SLC35F1: variants seen among roughly 807,000 people sequenced by gnomAD.
SLC35F1 encodes the protein solute carrier family 35 member F1, also known as chromosome 6 open reading frame 169.
Under a neutral mutation model 48.7 loss-of-function variants are expected in SLC35F1, and 14 were observed. That is an observed-to-expected ratio of 0.29 (90% confidence interval 0.19 to 0.45). The LOEUF is 0.45. Ranked by LOEUF, SLC35F1 falls within the 20% of genes least tolerant of loss-of-function variation. SLC35F1 has a pLI of 1.00. For missense variants in SLC35F1, 404 were observed against 500.0 expected, an observed-to-expected ratio of 0.81 and a Z score of 1.83; for synonymous variants, 190 against 202.2, an observed-to-expected ratio of 0.94 and a Z score of 0.51.
At chr6:118,213,683 G>C (rs992633035) in intron 2 of SLC35F1, among the ~76,000 whole-genome samples, 2 of 152,266 alleles carry the variant, frequency 1.3e-5, no homozygotes, top group Non-Finnish European at 2.9e-5. Context: ...ACACAGTGTT[G>C]AGTGAAAAAA....
At chr6:118,004,062 T>A (rs576148898) in intron 1 of SLC35F1, among the ~76,000 whole-genome samples, 1 of 152,200 alleles carries the variant, frequency 6.6e-6, no homozygotes, top group African/African-American at 2.4e-5. Flanking sequence ...CACTAAGATA[T>A]TGTTATTATT....
intron 1 of SLC35F1, among the ~76,000 whole-genome samples, chr6:118,004,519 A>C (rs1301650510): frequency 6.6e-6 from 1 of 152,192 alleles, no homozygotes; most frequent in Non-Finnish European, 1.5e-5. Context: ...AAATTCAGAA[A>C]AACTCAGTTT....
At chr6:118,078,924 C>G (rs1772864348) in intron 1 of SLC35F1, among the ~76,000 whole-genome samples, 1 of 152,180 alleles carries the variant, frequency 6.6e-6, no homozygotes, top group Admixed American at 6.5e-5. Context: ...TTTTGGAATG[C>G]CTTGTGAGAC....
chr6:118,063,666 A>G (rs968676916), intron 1 of SLC35F1, among the ~76,000 whole-genome samples: 1 of 152,148 alleles, frequency 6.6e-6, no homozygotes, highest in Non-Finnish European at 1.5e-5. Flanking sequence ...GTAATCACCA[A>G]GGATTACTGG....
rs1201266883 is a variant in SLC35F1, at chr6:118,314,961, C to T, written c.*709C>T. On this transcript the variant is annotated 3_prime_UTR_variant, in exon 8 of 8. Coordinates refer to ENST00000360388, the MANE Select transcript of SLC35F1 (RefSeq NM_001029858.4). The stretch of plus-strand genomic sequence containing the variant: ...AGGCCATTGCCTTTCTGTTGTGCCA[C>T]GTGATTCTGCTAATCAAGTCCCTGT... 1.3e-5 allele frequency: 2 copies of T among 152,814 alleles called. No homozygotes were observed. Among genetic ancestry groups the T allele is most frequent in the Non-Finnish European group, 2.9e-5 (2 of 68,192 alleles). The allele number at this position is 152,814 out of a possible 1,614,324, so 9.5% of individuals were successfully genotyped here.
chr6:117,923,742 T>TATATGTAC lies in SLC35F1; in HGVS notation c.173+15848_173+15855dup, dbSNP rs1350380693. On this transcript the variant is annotated intron_variant, in intron 1 of 7. Transcript: ENST00000360388. The stretch of plus-strand genomic sequence containing the variant: ...ACATATATACATATGTATATATACA[T>TATATGTAC]ATATGTACATATATACATATGCACA... Among the ~76,000 whole-genome samples the TATATGTAC allele has an allele frequency of 2.1e-4, 13 of 61,866 alleles. 2 individuals are homozygous for TATATGTAC. Among genetic ancestry groups the TATATGTAC allele is most frequent in the East Asian group, 4.2e-4 (1 of 2,368 alleles). The allele number at this position is 61,866 out of a possible 152,430, so 40.6% of individuals were successfully genotyped here. A position where few individuals can be genotyped will look rare whatever the true frequency, so the allele number is the denominator to read the frequency against.
At chr6:118,236,436 C>A (rs1334277183) in intron 3 of SLC35F1, among the ~76,000 whole-genome samples, 2 of 152,130 alleles carry the variant, frequency 1.3e-5, no homozygotes, top group Non-Finnish European at 2.9e-5. Flanking sequence ...AAACATTGTT[C>A]TCATATTAGA....
chr6:117,932,640 G>T (rs1582570861), intron 1 of SLC35F1, among the ~76,000 whole-genome samples: 1 of 152,174 alleles, frequency 6.6e-6, no homozygotes, highest in Admixed American at 6.6e-5. Context: ...TTCTAGAAAT[G>T]TACTCTGTAG....
chr6:118,205,631 A>G (rs1774925764), intron 2 of SLC35F1, among the ~76,000 whole-genome samples: 2 of 152,352 alleles, frequency 1.3e-5, no homozygotes, highest in Non-Finnish European at 2.9e-5. Flanking sequence ...TGAGCCAACC[A>G]TTCCACTTCT....
At chr6:118,238,857 C>T (rs1447846304) in intron 3 of SLC35F1, among the ~76,000 whole-genome samples, 1 of 152,136 alleles carries the variant, frequency 6.6e-6, no homozygotes, top group African/African-American at 2.4e-5. Flanking sequence ...TTTAGCTGAA[C>T]ATTTCTCAAT....
At chr6:118,015,964 G>A (rs1393774728) in intron 1 of SLC35F1, among the ~76,000 whole-genome samples, 1 of 152,084 alleles carries the variant, frequency 6.6e-6, no homozygotes, top group Non-Finnish European at 1.5e-5. Flanking sequence ...TAAATAAATT[G>A]GTATGTATCC....
At chr6:118,085,415 T>C (rs544237710) in intron 1 of SLC35F1, among the ~76,000 whole-genome samples, 23 of 151,768 alleles carry the variant, frequency 1.5e-4, no homozygotes, top group Non-Finnish European at 2.8e-4. Context: ...AAAGCCTATG[T>C]CAACTAGTTA....
chr6:117,951,687 G>C (rs993439468), intron 1 of SLC35F1, among the ~76,000 whole-genome samples: 6 of 152,198 alleles, frequency 3.9e-5, no homozygotes, highest in African/African-American at 1.2e-4. Context: ...TGCTGTGCAG[G>C]ACAAGGAATA....
At chr6:118,216,991 G>C (rs944194545) in intron 2 of SLC35F1, among the ~76,000 whole-genome samples, 1 of 152,112 alleles carries the variant, frequency 6.6e-6, no homozygotes, top group Non-Finnish European at 1.5e-5. Context: ...TGAGGCTCCA[G>C]TGATTCAGAA....
chr6:118,244,696 AT>A (rs748903699), intron 3 of SLC35F1, among the ~76,000 whole-genome samples: 2 of 152,172 alleles, frequency 1.3e-5, no homozygotes, highest in Admixed American at 6.5e-5. Context: ...CTATATGATA[AT>A]TGTTTATTTG....
intron 3 of SLC35F1, among the ~76,000 whole-genome samples, chr6:118,258,534 T>C (rs1775673642): frequency 6.6e-6 from 1 of 152,074 alleles, no homozygotes; most frequent in South Asian, 2.1e-4. Flanking sequence ...GGCAGGGATG[T>C]TGAAGACTAA....
chr6:118,149,684 A>G (rs1337163397), intron 1 of SLC35F1, among the ~76,000 whole-genome samples: 1 of 152,206 alleles, frequency 6.6e-6, no homozygotes, highest in African/African-American at 2.4e-5. Flanking sequence ...GAATAAAACC[A>G]TAATTTGTAT....
chr6:117,920,361 G>A (rs1441859224), intron 1 of SLC35F1, among the ~76,000 whole-genome samples: 1 of 152,240 alleles, frequency 6.6e-6, no homozygotes, highest in Non-Finnish European at 1.5e-5. Context: ...GACCTTTGTA[G>A]CTTTGCGAAA....
At chr6:118,059,184 CA>C (rs1172138872) in intron 1 of SLC35F1, among the ~76,000 whole-genome samples, 1 of 152,080 alleles carries the variant, frequency 6.6e-6, no homozygotes, top group Non-Finnish European at 1.5e-5. Flanking sequence ...TATTTTCTTA[CA>C]AAAAACACTA....
Sources: gnomAD v4.1 joint callset for allele counts (sites outside exome capture counted in the v4.1 genomes callset) on GRCh38, gnomAD v4.1.1 for gene constraint, MANE v1.5 for transcripts, NCBI Gene and HGNC (gene_info 2026-07-23, HGNC 2026-07-21) for gene names.